The following NKAIN3 variants were observed in gnomAD, a reference collection of about 807,000 sequenced individuals.
NKAIN3 encodes sodium/potassium-transporting ATPase subunit beta-1-interacting protein 3.
A neutral mutation model predicts 30.2 loss-of-function variants in NKAIN3; 25 were observed. The ratio of observed to expected loss-of-function variants is 0.83; its 90% CI spans 0.60 to 1.16. NKAIN3 has a LOEUF of 1.16. Among genes scored for constraint, NKAIN3 ranks in the 50% most tolerant of loss-of-function variants. The pLI is 0.00. For synonymous variants in NKAIN3, 91 were observed against 89.6 expected, an observed-to-expected ratio of 1.02 and a Z score of -0.09; for missense variants, 225 against 254.1, an observed-to-expected ratio of 0.89 and a Z score of 0.78.
At chr8:62,432,075 T>A (rs1021521614) in intron 1 of NKAIN3, among the ~76,000 whole-genome samples, 1 of 151,840 alleles carries the variant, frequency 6.6e-6, no homozygotes, top group Non-Finnish European at 1.5e-5. Flanking sequence ...TCTAATTTGA[T>A]CATTCCTTTT....
rs140452638 is a variant in NKAIN3, at chr8:62,652,749, C to T, written c.273+62955C>T. Among the ~76,000 whole-genome samples, 318 of 152,270 alleles carry T rather than the reference C, an allele frequency of 2.1e-3. 3 individuals are homozygous for T. The highest frequency in any genetic ancestry group is 7.3e-3 in the African/African-American group (302 of 41,576). Reference sequence around the variant, plus strand: ...ATTTGTGCCAGAGCTCTTCTAAGCACTGTACCTGTAATCCTCCAAATAGCT... The same window carrying T: ...ATTTGTGCCAGAGCTCTTCTAAGCATTGTACCTGTAATCCTCCAAATAGCT... On this transcript the variant is annotated intron_variant, in intron 3 of 6. Transcript: ENST00000623646.
intron 1 of NKAIN3, chr8:62,482,318 A>G (rs1806748795): frequency 6.6e-6 from 1 of 152,320 alleles, no homozygotes; most frequent in Non-Finnish European, 1.5e-5. Flanking sequence ...GGTGAGTCCA[A>G]AGGGAGAGGG....
intron 1 of NKAIN3, among the ~76,000 whole-genome samples, chr8:62,465,310 C>T (rs1180701194): frequency 6.6e-6 from 1 of 152,070 alleles, no homozygotes; most frequent in Non-Finnish European, 1.5e-5. Context: ...CCTGACTATC[C>T]TGGCTACATA....
chr8:62,923,792 C>A (rs1822354068), intron 5 of NKAIN3, among the ~76,000 whole-genome samples: 2 of 152,192 alleles, frequency 1.3e-5, no homozygotes. Context: ...GGCCACCCCA[C>A]ACAGAGGAAG....
intron 4 of NKAIN3, among the ~76,000 whole-genome samples, chr8:62,818,135 A>G (rs1039200933): frequency 1.3e-5 from 2 of 152,160 alleles, no homozygotes; most frequent in African/African-American, 4.8e-5. Context: ...TAGTTAATGT[A>G]AAAGCTGGAG....
chr8:62,956,133 T>C (rs549782146), intron 6 of NKAIN3, among the ~76,000 whole-genome samples: 2 of 152,348 alleles, frequency 1.3e-5, no homozygotes, highest in South Asian at 2.1e-4. Flanking sequence ...TTATCCAGTC[T>C]GCCTCTGTCA....
intron 3 of NKAIN3, among the ~76,000 whole-genome samples, chr8:62,678,426 G>A (rs1188263897): frequency 2.0e-5 from 3 of 152,110 alleles, no homozygotes; most frequent in Non-Finnish European, 2.9e-5. Context: ...TAAGAGATTT[G>A]ATACGGGCTG....
At chr8:62,381,116 T>A (rs1817261792) in intron 1 of NKAIN3, among the ~76,000 whole-genome samples, 3 of 152,208 alleles carry the variant, frequency 2.0e-5, no homozygotes. Flanking sequence ...TCCAGAATCA[T>A]AAAAGTGAAT....
intron 1 of NKAIN3, among the ~76,000 whole-genome samples, chr8:62,529,207 T>G (rs1173038785): frequency 6.8e-6 from 1 of 147,596 alleles, no homozygotes; most frequent in East Asian, 1.9e-4. Flanking sequence ...ATGCAAGGCG[T>G]AGTGGCATTT....
Position 62,966,004 on chromosome 8 carries a change from A to AT in NKAIN3, c.*601dup. The AT allele has an allele frequency of 3.0e-6, 3 of 985,034 alleles. No individual in the cohort carries two copies. The highest frequency in any genetic ancestry group is 3.6e-6 in the Non-Finnish European group (3 of 829,616). 61.0% of individuals were successfully genotyped at this position (985,034 alleles called of 1,614,324 possible). ...CCAGAACGATATTATGGCAATCTAA[A>AT]TTTTCAGATTCGTGCATATCTTGTT... On this transcript the variant is annotated 3_prime_UTR_variant, in exon 7 of 7. Transcript: ENST00000623646.
chr8:62,723,043 A>G (rs1242545950), intron 3 of NKAIN3, among the ~76,000 whole-genome samples: 1 of 152,168 alleles, frequency 6.6e-6, no homozygotes, highest in African/African-American at 2.4e-5. Context: ...TTATTTCAGC[A>G]AAGGAAGCAA....
chr8:62,399,882 G>C (rs1454580409), intron 1 of NKAIN3, among the ~76,000 whole-genome samples: 5 of 152,178 alleles, frequency 3.3e-5, no homozygotes, highest in East Asian at 1.9e-4. Context: ...TTGTCTCAGA[G>C]ATGTGCAAGC....
intron 1 of NKAIN3, among the ~76,000 whole-genome samples, chr8:62,570,366 A>G (rs1347482421): frequency 6.6e-6 from 1 of 152,216 alleles, no homozygotes; most frequent in Non-Finnish European, 1.5e-5. Context: ...TATTCATCAT[A>G]TATGGGTGTA....
intron 3 of NKAIN3, among the ~76,000 whole-genome samples, chr8:62,686,446 C>T (rs1303853012): frequency 2.6e-5 from 4 of 152,006 alleles, no homozygotes; most frequent in Non-Finnish European, 5.9e-5. Flanking sequence ...CTCTGTACAG[C>T]CTGCAGAAAA....
chr8:62,798,402 T>A (rs957478798), intron 4 of NKAIN3, among the ~76,000 whole-genome samples: 1 of 151,922 alleles, frequency 6.6e-6, no homozygotes, highest in African/African-American at 2.4e-5. Flanking sequence ...AAACCCCATC[T>A]CTACTGAAAA....
intron 2 of NKAIN3, among the ~76,000 whole-genome samples, chr8:62,585,141 A>G (rs1286991644): frequency 6.6e-6 from 1 of 152,168 alleles, no homozygotes; most frequent in Non-Finnish European, 1.5e-5. Flanking sequence ...AATTAATTAT[A>G]TGATAAAATA....
At chr8:62,618,842 G>T (rs1415415997) in intron 3 of NKAIN3, among the ~76,000 whole-genome samples, 1 of 152,050 alleles carries the variant, frequency 6.6e-6, no homozygotes, top group East Asian at 1.9e-4. Context: ...GGAGGCAGAG[G>T]TTGCAGTGAG....
At chr8:62,545,809 T>G (rs1245130779) in intron 1 of NKAIN3, among the ~76,000 whole-genome samples, 2 of 152,182 alleles carry the variant, frequency 1.3e-5, no homozygotes, top group African/African-American at 4.8e-5. Flanking sequence ...GTAAAAATTT[T>G]TCAATCAAAT....
At chr8:62,436,007 G>A (rs1281044824) in intron 1 of NKAIN3, among the ~76,000 whole-genome samples, 3 of 152,106 alleles carry the variant, frequency 2.0e-5, no homozygotes, top group Admixed American at 6.6e-5. Context: ...CATTCCCAAT[G>A]TTTTCATATT....
Sources: allele counts gnomAD v4.1 joint callset (sites outside exome capture counted in the v4.1 genomes callset), GRCh38; gene constraint gnomAD v4.1.1; transcripts MANE v1.5; gene names NCBI Gene and HGNC (gene_info 2026-07-23, HGNC 2026-07-21).